UBR7: variants seen among roughly 807,000 people sequenced by gnomAD.
The protein encoded by UBR7 is ubiquitin protein ligase E3 component n-recognin 7.
In UBR7, 22 loss-of-function variants were observed where a neutral mutation model predicts 57.0. That is an observed-to-expected ratio of 0.39 (90% CI 0.28 to 0.55). The LOEUF is 0.55. UBR7 is among the 20% of genes least tolerant of loss of function. The probability of loss-of-function intolerance (pLI) is 0.69; values close to 1 mark genes in which losing one functional copy is unlikely to be tolerated. For synonymous variants in UBR7, 167 were observed against 179.8 expected, an observed-to-expected ratio of 0.93 and a Z score of 0.57; for missense variants, 395 against 513.2, an observed-to-expected ratio of 0.77 and a Z score of 2.23.
Position 93,227,279 on chromosome 14 carries a change from T to G in UBR7, c.*244T>G. 1 of 612,898 alleles carries G rather than the reference T, an allele frequency of 1.6e-6. No homozygotes were observed. The allele number at this position is 612,898 out of a possible 1,614,324, so 38.0% of individuals were successfully genotyped here. ...CTTCTCCAGTGTACTCCTACTCCAG[T>G]GCACCCAGGGTTATTTGCATAGTTT... On this transcript the variant is annotated 3_prime_UTR_variant, in exon 11 of 11. Transcript: ENST00000013070.
chr14:93,207,708 C>T (rs1894395030), intron 1 of UBR7, among the ~76,000 whole-genome samples: 1 of 152,184 alleles, frequency 6.6e-6, no homozygotes, highest in African/African-American at 2.4e-5. Context: ...GGAGCAGCTG[C>T]TCTGTCCGTC....
At chr14:93,219,097 T>C in intron 7 of UBR7, 115 bp from the exon 8 acceptor site, 1 of 1,259,282 alleles carries the variant, frequency 7.9e-7, no homozygotes, top group Non-Finnish European at 1.1e-6. Context: ...TTCTGTAAAC[T>C]TATGGCTTTG....
Position 93,215,267 on chromosome 14 carries a change from C to T in UBR7, c.587C>T (p.Ala196Val), listed in dbSNP as rs371330936. The stretch of plus-strand genomic sequence containing the variant: ...CGTTGTTCTTTTTTGTGGGCTTATG[C>T]TGCACAATTGGCAGGTAGGTATCTT... ...MKRCSFLWAY[A>V]AQLAVTKIST... The change falls in exon 6 of 11, where the codon GCT (alanine) becomes GTT (valine). Residue 196 changes from alanine (A) to valine (V), a missense_variant. Physicochemically the swap from Ala to Val is moderately conservative, Grantham distance 64. Coordinates refer to ENST00000013070, the MANE Select transcript of UBR7 (RefSeq NM_175748.4). 3.4e-5 allele frequency: 54 copies of T among 1,578,772 alleles called. 1 individual carries two copies. Among genetic ancestry groups the T allele is most frequent in the African/African-American group, 3.2e-4 (24 of 74,698 alleles).
intron 10 of UBR7, chr14:93,224,022 C>A: frequency 1.2e-6 from 1 of 867,674 alleles, no homozygotes. Context: ...CGGGACTTGG[C>A]GACAACGTGA....
chr14:93,223,125 C>A (rs2140107055), intron 10 of UBR7, among the ~76,000 whole-genome samples: 1 of 152,228 alleles, frequency 6.6e-6, no homozygotes, highest in East Asian at 1.9e-4. Flanking sequence ...TGGCCGGGTG[C>A]AGTGGCTCAC....
At chr14:93,226,752 C>T (rs1456521192) in intron 10 of UBR7, among the ~76,000 whole-genome samples, 191 bp from the exon 11 acceptor site, 1 of 146,336 alleles carries the variant, frequency 6.8e-6, no homozygotes, top group African/African-American at 2.6e-5. Flanking sequence ...GAGATCGTGC[C>T]ACTGCACTCC....
In UBR7 at chr14:93,209,836, A is replaced by C; in HGVS notation, c.163A>C (p.Arg55=). ...TGGGGGCTTTCAGGGCTCAGTAAAG[A>C]GACAAGCACTATATGCCTGTAGTAC... The part of the protein sequence containing the change: ...KCSYSQGSVK[R]QALYACSTCT... Residue 55 remains arginine, a synonymous_variant, in exon 2 of 11, where the codon AGA becomes CGA. Transcript: ENST00000013070. 1 of 1,613,944 alleles carries C rather than the reference A, an allele frequency of 6.2e-7. No homozygotes were observed. The highest frequency in any genetic ancestry group is 2.2e-5 in the East Asian group (1 of 44,864).
intron 10 of UBR7, chr14:93,223,514 G>C (rs113938832): frequency 1.6e-6 from 1 of 615,410 alleles, no homozygotes; most frequent in Non-Finnish European, 2.9e-6. Context: ...ACCTACTTTA[G>C]GTCATTTTTT....
At chr14:93,222,516 G>C in intron 10 of UBR7, 142 bp downstream of exon 10, 1 of 704,546 alleles carries the variant, frequency 1.4e-6, no homozygotes, top group Non-Finnish European at 2.6e-6. Context: ...AGGCCAATGT[G>C]GGTGGATCAC....
intron 10 of UBR7, 151 bp downstream of exon 10, chr14:93,222,525 A>T (rs1405737014): frequency 2.9e-6 from 2 of 697,216 alleles, no homozygotes; most frequent in Admixed American, 2.0e-5. Flanking sequence ...TGGGTGGATC[A>T]CAAGGTCAGG....
intron 9 of UBR7, 133 bp from the exon 10 acceptor site, chr14:93,222,180 T>C: frequency 1.5e-6 from 1 of 679,660 alleles, no homozygotes; most frequent in Non-Finnish European, 2.7e-6. Context: ...CGAGTTTCTA[T>C]GCAGCTTTCA....
chr14:93,212,165 C>G (rs771964003), intron 4 of UBR7, 38 bp downstream of exon 4: 1 of 1,508,156 alleles, frequency 6.6e-7, no homozygotes, highest in South Asian at 1.2e-5. Flanking sequence ...GGTGTGTCCC[C>G]TCTAGCCTTG....
At chr14:93,218,937 C>A (rs755183612) in intron 7 of UBR7, among the ~76,000 whole-genome samples, 4 of 151,984 alleles carry the variant, frequency 2.6e-5, no homozygotes, top group African/African-American at 4.8e-5. Flanking sequence ...TGCCTGTAAT[C>A]CCAGCTACTC....
intron 10 of UBR7, chr14:93,223,893 G>A: frequency 1.4e-6 from 1 of 733,678 alleles, no homozygotes; most frequent in Non-Finnish European, 2.5e-6. Flanking sequence ...TCATAGCTCA[G>A]CCAGATGCCG....
chr14:93,208,697 A>C lies in UBR7; in HGVS notation c.151-1127A>C, dbSNP rs79765163. On this transcript the variant is annotated intron_variant, in intron 1 of 10. Transcript: ENST00000013070. ...TTATTGGAATAGAACTTTAAAAAAAAAAGAAAGAAAAAGAAATAGAACCTT... is the reference window on the plus strand; with the variant it reads ...TTATTGGAATAGAACTTTAAAAAAACAAGAAAGAAAAAGAAATAGAACCTT... Among the ~76,000 whole-genome samples the C allele has an allele frequency of 2.4e-3, 359 of 152,266 alleles. 13 individuals carry two copies. In the East Asian group the frequency reaches 0.057, roughly 24 times the overall value.
intron 10 of UBR7, among the ~76,000 whole-genome samples, chr14:93,223,116 G>A (rs1894744685): frequency 6.6e-6 from 1 of 152,200 alleles, no homozygotes; most frequent in Non-Finnish European, 1.5e-5. Context: ...TGGGCATGGT[G>A]GCCGGGTGCA....
At chr14:93,221,024 C>T (rs1894694680) in intron 9 of UBR7, among the ~76,000 whole-genome samples, 1 of 152,070 alleles carries the variant, frequency 6.6e-6, no homozygotes, top group South Asian at 2.1e-4. Flanking sequence ...CAGCTCACTG[C>T]AACCTCTGCT....
chr14:93,227,125 T>C lies in UBR7; in HGVS notation c.*90T>C. 1 of 996,566 alleles carries C rather than the reference T, an allele frequency of 1.0e-6. No individual in the cohort carries two copies. Among genetic ancestry groups the C allele is most frequent in the Non-Finnish European group, 1.5e-6 (1 of 651,568 alleles). 61.7% of individuals were successfully genotyped at this position (996,566 alleles called of 1,614,324 possible). ...AGGTGTGGTTCACATTTGGCCCCCTTTCCGTCCTCCTCTGTTTGGAGAGGC... is the reference window on the plus strand; with the variant it reads ...AGGTGTGGTTCACATTTGGCCCCCTCTCCGTCCTCCTCTGTTTGGAGAGGC... On this transcript the variant is annotated 3_prime_UTR_variant, in exon 11 of 11. Coordinates refer to ENST00000013070, the MANE Select transcript of UBR7 (RefSeq NM_175748.4).
Position 93,227,636 on chromosome 14 carries a change from G to A in UBR7, c.*601G>A. 2.9e-6 allele frequency: 2 copies of A among 700,824 alleles called. No individual in the cohort carries two copies. Among genetic ancestry groups the A allele is most frequent in the Non-Finnish European group, 5.2e-6 (2 of 384,816 alleles). The allele number at this position is 700,824 out of a possible 1,614,324, so 43.4% of individuals were successfully genotyped here. On this transcript the variant is annotated 3_prime_UTR_variant, in exon 11 of 11. Coordinates refer to ENST00000013070, the MANE Select transcript of UBR7 (RefSeq NM_175748.4). ...AGTAGCCAGGACTGATGGTTTTCTG[G>A]TCTGGATGTCTGTCACAGGCGGAGA...
Sources: gnomAD v4.1 joint callset for allele counts (sites outside exome capture counted in the v4.1 genomes callset) on GRCh38, gnomAD v4.1.1 for gene constraint, MANE v1.5 for transcripts, NCBI Gene and HGNC (gene_info 2026-07-23, HGNC 2026-07-21) for gene names.